The following SEC22B variants were observed in gnomAD, a reference collection of about 807,000 sequenced individuals.
SEC22B encodes SEC22 homolog B, vesicle trafficking protein, also known as vesicle-trafficking protein SEC22b.
Under a neutral mutation model 31.4 loss-of-function variants are expected in SEC22B, and 10 were observed. The ratio of observed to expected loss-of-function variants is 0.32; its 90% CI spans 0.20 to 0.54. The LOEUF (loss-of-function observed/expected upper bound fraction) is 0.54. SEC22B is among the 20% of genes least tolerant of loss of function. SEC22B has a pLI of 0.94. For missense variants in SEC22B, 130 were observed against 263.4 expected, an observed-to-expected ratio of 0.49 and a Z score of 3.50; for synonymous variants, 60 against 95.9, an observed-to-expected ratio of 0.63 and a Z score of 2.19.
At chr1:120,175,918 G>A (rs1346305071) in intron 1 of SEC22B, among the ~76,000 whole-genome samples, 1 of 152,126 alleles carries the variant, frequency 6.6e-6, no homozygotes, top group Admixed American at 6.5e-5. Flanking sequence ...CAGGTGCCAC[G>A]TTATAGACTT....
chr1:120,157,991 T>TA (rs1353923821), intron 4 of SEC22B: 1 of 135,404 alleles, frequency 7.4e-6, no homozygotes, highest in African/African-American at 3.6e-5. Context: ...ACTAAACACT[T>TA]AGAGAAATAG....
At chr1:120,170,070 G>T (rs1252812711) in intron 1 of SEC22B, among the ~76,000 whole-genome samples, 1 of 145,144 alleles carries the variant, frequency 6.9e-6, no homozygotes, top group African/African-American at 2.6e-5. Flanking sequence ...CCAGGAATAG[G>T]CCCTCAATAG....
chr1:120,175,179 T>C (rs2101133773), intron 1 of SEC22B, among the ~76,000 whole-genome samples: 2 of 8,968 alleles, frequency 2.2e-4, no homozygotes, highest in South Asian at 4.1e-3. Context: ...CAAAACCCTC[T>C]TCCTTCTCCT....
rs1657619821 is a variant in SEC22B, at chr1:120,155,765, C to G, written c.*1273G>C. ...ATAATATTTAAAAGGCCTATTTTCC[C>G]CATTAAAAAATTCTACCTCAGAAGG... On this transcript the variant is annotated 3_prime_UTR_variant, in exon 5 of 5. Coordinates refer to ENST00000578049, the MANE Select transcript of SEC22B (RefSeq NM_004892.6). 6.6e-6 allele frequency: 1 copy of G among 151,994 alleles called. No individual in the cohort carries two copies. Among genetic ancestry groups the G allele is most frequent in the Non-Finnish European group, 1.5e-5 (1 of 67,950 alleles). 9.4% of individuals were successfully genotyped at this position (151,994 alleles called of 1,614,324 possible). A position where few individuals can be genotyped will look rare whatever the true frequency, so the allele number is the denominator to read the frequency against.
chr1:120,171,710 T>C (rs1302175889), intron 1 of SEC22B, among the ~76,000 whole-genome samples: 1 of 120,372 alleles, frequency 8.3e-6, no homozygotes, highest in Admixed American at 7.6e-5. Context: ...GTATTACCTA[T>C]TATTTAATGT....
In SEC22B at chr1:120,151,430, C is replaced by A. The variant is rs1200697810; in HGVS notation, c.*5608G>T. 2 of 152,242 alleles carry A rather than the reference C, an allele frequency of 1.3e-5. No homozygotes were observed. Among genetic ancestry groups the A allele is most frequent in the Non-Finnish European group, 2.9e-5 (2 of 68,088 alleles). 9.4% of individuals were successfully genotyped at this position (152,242 alleles called of 1,614,324 possible). On this transcript the variant is annotated 3_prime_UTR_variant, in exon 5 of 5. Coordinates refer to ENST00000578049, the MANE Select transcript of SEC22B (RefSeq NM_004892.6). ...GGGCGCAGTGGCCCATGCCTGTAAT[C>A]CCAGCACTTTGGGAGGCCGAGGAGG...
chr1:120,175,943 A>AT (rs1422762354), intron 1 of SEC22B, among the ~76,000 whole-genome samples: 1 of 152,144 alleles, frequency 6.6e-6, no homozygotes, highest in Non-Finnish European at 1.5e-5. Flanking sequence ...AACTTGGCTG[A>AT]TTTTTTCCCA....
intron 1 of SEC22B, among the ~76,000 whole-genome samples, chr1:120,173,028 C>G (rs1657913077): frequency 6.6e-6 from 1 of 151,232 alleles, no homozygotes; most frequent in African/African-American, 2.4e-5. Context: ...AGCTCTTTAT[C>G]ATTTTCATAG....
intron 3 of SEC22B, 109 bp from the exon 4 acceptor site, chr1:120,160,639 C>T: frequency 1.2e-6 from 1 of 846,692 alleles, no homozygotes; most frequent in Non-Finnish European, 1.7e-6. Flanking sequence ...CCTGTAATCC[C>T]AGCACTTTGG....
At chr1:120,161,603 G>A (rs1398342758) in intron 3 of SEC22B, among the ~76,000 whole-genome samples, 5 of 152,182 alleles carry the variant, frequency 3.3e-5, no homozygotes, top group Non-Finnish European at 7.4e-5. Flanking sequence ...GGAGGCTGAG[G>A]CACAAGAATC....
Position 120,155,858 on chromosome 1 carries a change from G to A in SEC22B, c.*1180C>T, listed in dbSNP as rs1392397205. 4 of 151,636 alleles carry A rather than the reference G, an allele frequency of 2.6e-5. No individual in the cohort carries two copies. The East Asian group carries it at 5.8e-4, about 22-fold the overall frequency. 9.4% of individuals were successfully genotyped at this position (151,636 alleles called of 1,614,324 possible). On this transcript the variant is annotated 3_prime_UTR_variant, in exon 5 of 5. Coordinates refer to ENST00000578049, the MANE Select transcript of SEC22B (RefSeq NM_004892.6). ...TCATGGGTACTTTAATTAGTTAATAGAAACCACTGTAAATGAGTTATCTAT... is the reference window on the plus strand; with the variant it reads ...TCATGGGTACTTTAATTAGTTAATAAAAACCACTGTAAATGAGTTATCTAT...
chr1:120,169,978 G>A (rs1657869441), intron 1 of SEC22B, among the ~76,000 whole-genome samples: 1 of 151,940 alleles, frequency 6.6e-6, no homozygotes, highest in Admixed American at 6.6e-5. Flanking sequence ...AATGTGATTA[G>A]TACCTTTATA....
intron 2 of SEC22B, among the ~76,000 whole-genome samples, chr1:120,164,756 G>C (rs1196754683): frequency 6.6e-6 from 1 of 152,036 alleles, no homozygotes; most frequent in Non-Finnish European, 1.5e-5. Context: ...AGAAAGATTT[G>C]TTTCCTTTTG....
chr1:120,169,927 C>A (rs1226473039), intron 1 of SEC22B, among the ~76,000 whole-genome samples: 24 of 150,940 alleles, frequency 1.6e-4, no homozygotes, highest in African/African-American at 5.4e-4. Context: ...AGAAGTGGGA[C>A]CTTTGGGAGG....
intron 2 of SEC22B, among the ~76,000 whole-genome samples, chr1:120,163,922 T>C (rs1189677617): frequency 2.0e-5 from 3 of 150,454 alleles, no homozygotes; most frequent in Non-Finnish European, 3.0e-5. Context: ...ATATTTATTA[T>C]AATTTTTCAT....
chr1:120,173,272 C>T (rs1433845109), intron 1 of SEC22B, among the ~76,000 whole-genome samples: 1 of 47,010 alleles, frequency 2.1e-5, no homozygotes, highest in Non-Finnish European at 4.0e-5. Flanking sequence ...CTGCCCTTCA[C>T]GATGCCAGAG....
intron 2 of SEC22B, among the ~76,000 whole-genome samples, chr1:120,167,515 C>T (rs1657830978): frequency 1.3e-5 from 2 of 152,004 alleles, no homozygotes; most frequent in South Asian, 2.1e-4. Flanking sequence ...TCCTCTGTCC[C>T]GTTTCTTCAA....
chr1:120,174,301 T>C (rs1227888527), intron 1 of SEC22B, among the ~76,000 whole-genome samples: 3 of 152,308 alleles, frequency 2.0e-5, no homozygotes, highest in Non-Finnish European at 4.4e-5. Context: ...GTTTGGTATG[T>C]AGTAGGCGCT....
Position 120,176,356 on chromosome 1 carries a change from C to G in SEC22B, c.26G>C (p.Arg9Pro). The G allele has an allele frequency of 6.2e-7, 1 of 1,613,632 alleles. No individual in the cohort carries two copies. The highest frequency in any genetic ancestry group is 8.5e-7 in the Non-Finnish European group (1 of 1,179,852). Reference protein sequence around the residue: MVLLTMIARVADGLPLAAS... With the variant: MVLLTMIAPVADGLPLAAS... ...GGCCAGCGGGAGCCCGTCCGCCACT[C>G]GGGCGATCATTGTTAGCAACACCAT... The change falls in exon 1 of 5, where the codon CGA (arginine) becomes CCA (proline). Residue 9 changes from arginine to proline, a missense_variant. Arg to Pro is a moderately radical substitution (Grantham distance 103). This residue lies in a region of SEC22B where 32 missense variants were observed against 26.3 expected (regional missense o/e 1.22). Transcript: ENST00000578049.
Sources: allele counts gnomAD v4.1 joint callset (sites outside exome capture counted in the v4.1 genomes callset), GRCh38; gene constraint gnomAD v4.1.1; regional missense constraint gnomAD v4.1.1; transcripts MANE v1.5; gene names NCBI Gene and HGNC (gene_info 2026-07-23, HGNC 2026-07-21).